The following RFPL2 variants were observed in gnomAD, a reference collection of about 807,000 sequenced individuals.
RFPL2 encodes ret finger protein-like 2.
In RFPL2, 13 loss-of-function variants were observed where a neutral mutation model predicts 17.8. The observed-to-expected ratio is 0.73, with a 90% CI of 0.47 to 1.16. The LOEUF (loss-of-function observed/expected upper bound fraction) is 1.16. RFPL2 is among the 50% of genes most tolerant of loss of function. The pLI is 0.00. For missense variants in RFPL2, 431 were observed against 479.3 expected (o/e 0.90, Z 0.94); for synonymous variants, 189 against 180.9 (o/e 1.04, Z -0.36).
At chr22:32,196,697 A>G (rs5753884) in intron 2 of RFPL2, among the ~76,000 whole-genome samples, 1 of 152,342 alleles carries the variant, frequency 6.6e-6, no homozygotes, top group East Asian at 1.9e-4. Context: ...CCAAATTCAC[A>G]AGATGATCCT....
chr22:32,190,888 G>A lies in RFPL2; in HGVS notation c.1021C>T (p.Arg341Cys), dbSNP rs136468. The A allele has an allele frequency of 0.47, 706,951 of 1,492,440 alleles. 187,316 individuals carry two copies. Among genetic ancestry groups the A allele is most frequent in the African/African-American group, 0.79 (56,176 of 71,296 alleles). The allele number at this position is 1,492,440 out of a possible 1,614,324, so 92.4% of individuals were successfully genotyped here. Residue 341 changes from arginine (R) to cysteine (C), a missense_variant, in exon 5 of 5, where the codon CGC becomes TGC. Arg to Cys is a radical substitution (Grantham distance 180, BLOSUM62 -3). Coordinates refer to ENST00000652607, the MANE Select transcript of RFPL2 (RefSeq NM_001394555.1). ...GGAACTGAAGGAGCCAAAAATGGGC[G>A]CAATGGCTCCTCAGCAGATACGCTC... ...FRSVSAEEPL[R>C]PFLAPSVPPN...
Position 32,191,286 on chromosome 22 carries a change from A to G in RFPL2, c.623T>C (p.Val208Ala). Residue 208 changes from valine (V) to alanine (A), a missense_variant, in exon 5 of 5, where the codon GTC becomes GCC. Physicochemically the swap from Val to Ala is moderately conservative, Grantham distance 64. Coordinates refer to ENST00000652607, the MANE Select transcript of RFPL2 (RefSeq NM_001394555.1). ...FLLISDDLRSVRSGRIRQNRQ... is the reference protein window; with the variant it reads ...FLLISDDLRSARSGRIRQNRQ... ...ATTCTGTCTGATGCGCCCACTTCGG[A>G]CGCTCCTGAGGTCGTCAGAAATGAG... is the stretch of plus-strand genomic sequence containing the variant. 1.9e-6 allele frequency: 3 copies of G among 1,613,866 alleles called. No homozygotes were observed. Among genetic ancestry groups the G allele is most frequent in the Non-Finnish European group, 1.7e-6 (2 of 1,179,844 alleles).
chr22:32,191,269 T>C lies in RFPL2; in HGVS notation c.640A>G (p.Arg214Gly). 1 of 1,613,974 alleles carries C rather than the reference T, an allele frequency of 6.2e-7. No individual in the cohort carries two copies. Among genetic ancestry groups the C allele is most frequent in the Non-Finnish European group, 8.5e-7 (1 of 1,179,866 alleles). ...TCGGCAAGGTCTTGCCGATTCTGTC[T>C]GATGCGCCCACTTCGGACGCTCCTG... Reference protein sequence around the residue: ...DLRSVRSGRIRQNRQDLAERF... With the variant: ...DLRSVRSGRIGQNRQDLAERF... The change falls in exon 5 of 5, where the codon AGA becomes GGA. Residue 214 changes from arginine (R) to glycine (G), a missense_variant. Transcript: ENST00000652607.
intron 2 of RFPL2, among the ~76,000 whole-genome samples, chr22:32,202,017 A>C (rs1923964238): frequency 6.6e-6 from 1 of 152,206 alleles, no homozygotes; most frequent in African/African-American, 2.4e-5. Flanking sequence ...TGCTAAGATC[A>C]GGGTGCCAGC....
rs780204601 is a variant in RFPL2 at position 32,193,151 on chromosome 22, C to G, written c.307G>C (p.Val103Leu). 4 of 1,613,928 alleles carry G rather than the reference C, an allele frequency of 2.5e-6. No homozygotes were observed. In the South Asian group the frequency reaches 4.4e-5, roughly 18 times the overall value. Residue 103 changes from valine to leucine, a missense_variant, in exon 4 of 5, where the codon GTC becomes CTC. Physicochemically the swap from Val to Leu is conservative, Grantham distance 32. Coordinates refer to ENST00000652607, the MANE Select transcript of RFPL2 (RefSeq NM_001394555.1). The stretch of plus-strand genomic sequence containing the variant: ...GGTTTTTCCAGATAGTCTGAGCAGA[C>G]GGGACAGCTGCTTGCTTCTTGGAAG... ...ALFQEASSCP[V>L]CSDYLEKPMS... is the part of the protein sequence containing the mutation.
intron 2 of RFPL2, among the ~76,000 whole-genome samples, chr22:32,198,436 C>T (rs1923573736): frequency 1.5e-5 from 2 of 133,678 alleles, no homozygotes; most frequent in South Asian, 2.8e-4. Flanking sequence ...AAATGCCCAC[C>T]GGGGTCAGTG....
chr22:32,193,732 A>T (rs1922985513), intron 3 of RFPL2, among the ~76,000 whole-genome samples: 1 of 152,100 alleles, frequency 6.6e-6, no homozygotes, highest in Non-Finnish European at 1.5e-5. Context: ...GCGTGGTGGC[A>T]CATGCCTGTA....
intron 2 of RFPL2, among the ~76,000 whole-genome samples, chr22:32,198,040 C>T (rs1923530951): frequency 6.6e-6 from 1 of 152,068 alleles, no homozygotes; most frequent in Admixed American, 6.5e-5. Context: ...AAGGGAGACC[C>T]CTGGAGTTGT....
At chr22:32,191,858 A>G (rs136475) in intron 4 of RFPL2, among the ~76,000 whole-genome samples, 22,823 of 152,056 alleles carry the variant, frequency 0.15, 1,912 homozygotes, top group Middle Eastern at 0.22. Context: ...TGACGGTGTG[A>G]TGACAGAGGA....
At chr22:32,191,374 G>A in intron 4 of RFPL2, 22 bp from the exon 5 acceptor site, 3 of 1,594,538 alleles carry the variant, frequency 1.9e-6, no homozygotes, top group Non-Finnish European at 2.6e-6. Context: ...AAAAAAAGTT[G>A]CTCAGCAAAT....
chr22:32,198,712 G>C (rs182582867), intron 2 of RFPL2, among the ~76,000 whole-genome samples: 2 of 151,950 alleles, frequency 1.3e-5, no homozygotes, highest in South Asian at 2.1e-4. Context: ...GGAGGAGCCC[G>C]GGCCCTGGGC....
At position 32,193,109 on chromosome 22, in the gene RFPL2, C is replaced by G; in HGVS notation, c.349G>C (p.Gly117Arg). ...ATGCACTTGAGGCAGACGGCGCATCCACACTCCAGGGACATTGGTTTTTCC... is the reference window on the plus strand; with the variant it reads ...ATGCACTTGAGGCAGACGGCGCATCGACACTCCAGGGACATTGGTTTTTCC... ...YLEKPMSLEC[G>R]CAVCLKCINS... is the part of the protein sequence containing the mutation. Residue 117 changes from glycine (G) to arginine (R), a missense_variant, in exon 4 of 5, where the codon GGA becomes CGA. Gly to Arg is a moderately radical substitution (Grantham distance 125). Transcript: ENST00000652607. 1 of 1,613,958 alleles carries G rather than the reference C, an allele frequency of 6.2e-7. No individual in the cohort carries two copies. Among genetic ancestry groups the G allele is most frequent in the Non-Finnish European group, 8.5e-7 (1 of 1,179,854 alleles).
At position 32,190,939 on chromosome 22, in the gene RFPL2, T is replaced by C. The variant is rs136470; in HGVS notation, c.970A>G (p.Ser324Gly). ...MQNVSFFDAE[S>G]GSHVYTFRSV... ...CTGAATGTATAGACATGGGAACCAC[T>C]TTCAGCATCAAAAAAGGAAACGTTC... Residue 324 changes from serine to glycine, a missense_variant, in exon 5 of 5, where the codon AGT becomes GGT. Coordinates refer to ENST00000652607, the MANE Select transcript of RFPL2 (RefSeq NM_001394555.1). The C allele has an allele frequency of 0.48, 736,294 of 1,537,308 alleles. 191,298 individuals are homozygous for C. Among genetic ancestry groups the C allele is most frequent in the African/African-American group, 0.79 (57,637 of 73,062 alleles).
At chr22:32,203,147 C>T in intron 1 of RFPL2, 1 of 942,772 alleles carries the variant, frequency 1.1e-6, no homozygotes, top group Non-Finnish European at 1.3e-6. Context: ...TCATCCGTGC[C>T]TAGTACATGC....
Position 32,193,104 on chromosome 22 carries a change from G to T in RFPL2, c.354C>A (p.Cys118Ter). The change falls in exon 4 of 5, where the codon TGC (cysteine) becomes TGA (stop). Residue 118 changes from cysteine (C) to a stop codon, truncating the protein, a stop_gained. Coordinates refer to ENST00000652607, the MANE Select transcript of RFPL2 (RefSeq NM_001394555.1). LOFTEE classifies it high-confidence loss of function. ...LEKPMSLECGCAVCLKCINSL... is the reference protein window; with the variant it reads ...LEKPMSLECG ...AATTAATGCACTTGAGGCAGACGGCGCATCCACACTCCAGGGACATTGGTT... is the reference window on the plus strand; with the variant it reads ...AATTAATGCACTTGAGGCAGACGGCTCATCCACACTCCAGGGACATTGGTT... The T allele has an allele frequency of 1.2e-6, 2 of 1,613,922 alleles. No homozygotes were observed. The highest frequency in any genetic ancestry group is 1.7e-6 in the Non-Finnish European group (2 of 1,179,846).
intron 1 of RFPL2, chr22:32,202,799 A>C: frequency 9.3e-7 from 1 of 1,075,944 alleles, no homozygotes; most frequent in Non-Finnish European, 1.1e-6. Context: ...GAGCAGCAGA[A>C]ACTCAACCCC....
intron 3 of RFPL2, chr22:32,193,629 G>T (rs1310828653): frequency 1.6e-5 from 8 of 492,586 alleles, no homozygotes; most frequent in African/African-American, 1.4e-4. Context: ...AGGCCAAGGT[G>T]GGTGGATCAT....
intron 2 of RFPL2, among the ~76,000 whole-genome samples, chr22:32,200,735 T>C (rs1923831140): frequency 6.6e-6 from 1 of 151,998 alleles, no homozygotes. Context: ...GAAATCCTAT[T>C]CTTGGCCTGG....
At position 32,190,816 on chromosome 22, in the gene RFPL2, A is replaced by G; in HGVS notation, c.1093T>C (p.Ser365Pro). The change falls in exon 5 of 5, where the codon TCA becomes CCA. Residue 365 changes from serine to proline, a missense_variant. Ser to Pro is a moderately conservative substitution (Grantham distance 74, BLOSUM62 -1). Coordinates refer to ENST00000652607, the MANE Select transcript of RFPL2 (RefSeq NM_001394555.1). ...CGGACTGGAGCATCAGTAGTGCCTGAGTTCATCAAAGGACAGATGCTCAAG... is the reference window on the plus strand; with the variant it reads ...CGGACTGGAGCATCAGTAGTGCCTGGGTTCATCAAAGGACAGATGCTCAAG... ...GVLSICPLMN[S>P]GTTDAPVRPG... is the part of the protein sequence containing the mutation. The G allele has an allele frequency of 6.5e-7, 1 of 1,547,328 alleles. No individual in the cohort carries two copies. Among genetic ancestry groups the G allele is most frequent in the Non-Finnish European group, 8.7e-7 (1 of 1,145,706 alleles).
Sources: allele counts gnomAD v4.1 joint callset (sites outside exome capture counted in the v4.1 genomes callset), GRCh38; gene constraint gnomAD v4.1.1; transcripts MANE v1.5; gene names NCBI Gene and HGNC (gene_info 2026-07-23, HGNC 2026-07-21).